The following SEC14L2 variants were observed in gnomAD, a reference collection of about 807,000 sequenced individuals.
SEC14L2 encodes SEC14-like protein 2.
SEC14L2 carries 50 observed loss-of-function variants against 56.9 expected under a neutral mutation model. The observed-to-expected ratio is 0.88, with a 90% CI of 0.70 to 1.11. The LOEUF (loss-of-function observed/expected upper bound fraction) is 1.11, where lower values mean the gene tolerates loss of function less well. Ranked by LOEUF, SEC14L2 falls within the 50% of genes most tolerant of loss-of-function variation. The pLI is 0.00. For synonymous variants in SEC14L2, 179 were observed against 188.5 expected (o/e 0.95, Z 0.41); for missense variants, 414 against 500.7 (o/e 0.83, Z 1.65).
At chr22:30,397,302 C>A in intron 1 of SEC14L2, 132 bp downstream of exon 1, 2 of 821,252 alleles carry the variant, frequency 2.4e-6, no homozygotes, top group Non-Finnish European at 3.6e-6. Flanking sequence ...AGGCGGCTGT[C>A]CCAGCCTGGC....
At position 30,399,625 on chromosome 22, in the gene SEC14L2, C is replaced by T. The variant is rs368245798; in HGVS notation, c.55-18C>T. On this transcript the variant is annotated intron_variant, in intron 1 of 11. Transcript: ENST00000615189. Reference sequence around the variant, plus strand: ...TCAGGGCGGGCCCTACCACTCACCCCGATGCCTCTCCCTACAGTTTCGGGA... The same window carrying T: ...TCAGGGCGGGCCCTACCACTCACCCTGATGCCTCTCCCTACAGTTTCGGGA... 15 of 1,607,492 alleles carry T rather than the reference C, an allele frequency of 9.3e-6. No homozygotes were observed. The East Asian group carries it at 1.8e-4, about 19-fold the overall frequency.
intron 11 of SEC14L2, among the ~76,000 whole-genome samples, chr22:30,418,016 C>G (rs1934430391): frequency 2.0e-5 from 3 of 152,134 alleles, no homozygotes. Flanking sequence ...AGGCTTAGCA[C>G]CAGCCCAGAC....
At chr22:30,416,788 G>A (rs1891322565) in intron 11 of SEC14L2, 1 of 1,203,126 alleles carries the variant, frequency 8.3e-7, no homozygotes, top group Non-Finnish European at 1.0e-6. Context: ...GGATCACAAG[G>A]TAAGCAGATG....
chr22:30,416,696 A>G (rs1934400621), intron 11 of SEC14L2: 1 of 1,405,734 alleles, frequency 7.1e-7, no homozygotes, highest in Non-Finnish European at 9.2e-7. Context: ...TCCAGGTCTA[A>G]CTGGGTCTGT....
At chr22:30,419,863 G>C (rs1934470553) in intron 11 of SEC14L2, among the ~76,000 whole-genome samples, 1 of 152,056 alleles carries the variant, frequency 6.6e-6, no homozygotes, top group African/African-American at 2.4e-5. Context: ...GGGTAAGGTT[G>C]TACCTTTCCC....
In SEC14L2 at chr22:30,419,779, C is replaced by T. The variant is rs374705155; in HGVS notation, c.1082-2498C>T. Reference sequence around the variant, plus strand: ...CATGTAATTTAAAAATCAATATAATCTCCTATGGTAATAGAAAAGAGATAT... The same window carrying T: ...CATGTAATTTAAAAATCAATATAATTTCCTATGGTAATAGAAAAGAGATAT... On this transcript the variant is annotated intron_variant, in intron 11 of 11. Transcript: ENST00000615189. Among the ~76,000 whole-genome samples the T allele has an allele frequency of 7.2e-5, 11 of 152,146 alleles. 1 individual carries two copies. In the South Asian group the frequency reaches 2.1e-3, roughly 29 times the overall value.
At chr22:30,412,341 A>C (rs1236352011) in intron 8 of SEC14L2, among the ~76,000 whole-genome samples, 3 of 152,002 alleles carry the variant, frequency 2.0e-5, no homozygotes, top group African/African-American at 7.3e-5. Context: ...CTGCCTTCCC[A>C]GAGAGGCCAA....
chr22:30,403,526 G>C (rs984202749), intron 2 of SEC14L2, among the ~76,000 whole-genome samples: 4 of 152,242 alleles, frequency 2.6e-5, no homozygotes, highest in Non-Finnish European at 5.9e-5. Context: ...GGCAGCAGGA[G>C]CCTGGAGAGG....
chr22:30,397,138 C>G lies in SEC14L2; in HGVS notation c.22C>G (p.Leu8Val), dbSNP rs1313341272. 4 of 1,547,722 alleles carry G rather than the reference C, an allele frequency of 2.6e-6. No individual in the cohort carries two copies. In the Admixed American group the frequency reaches 5.9e-5, roughly 23 times the overall value. The part of the protein sequence containing the change: MSGRVGD[L>V]SPRQKEALAK... ...CACGATGAGCGGCAGAGTCGGCGAT[C>G]TGAGCCCCAGGCAGAAGGAGGCATT... The change falls in exon 1 of 12, where the codon CTG becomes GTG. Residue 8 changes from leucine to valine, a missense_variant. Leu to Val is a conservative substitution (Grantham distance 32, BLOSUM62 1). Transcript: ENST00000615189.
chr22:30,399,532 AAAAAAG>A, intron 1 of SEC14L2, 105 bp from the exon 2 acceptor site: 1 of 572,352 alleles, frequency 1.7e-6, no homozygotes, highest in South Asian at 2.8e-5. Flanking sequence ...AAAAAAAAAA[AAAAAAG>A]AAACAAAGAA....
At chr22:30,410,567 AG>A (rs768950540) in intron 7 of SEC14L2, 28 bp from the exon 8 acceptor site, 13 of 1,605,902 alleles carry the variant, frequency 8.1e-6, no homozygotes, top group Non-Finnish European at 1.0e-5. Context: ...CACTGCTCCC[AG>A]CCTCACATTA....
chr22:30,408,601 G>A (rs925139902), intron 5 of SEC14L2, among the ~76,000 whole-genome samples: 1 of 152,156 alleles, frequency 6.6e-6, no homozygotes, highest in Non-Finnish European at 1.5e-5. Flanking sequence ...AATAAGGATA[G>A]CTGATTCCCT....
chr22:30,422,423 C>T lies in SEC14L2; in HGVS notation c.*16C>T. ...CCCGAAATAACACCTTCTCCTATAG[C>T]AGGCCTGGCCCCCTCAGTGTCTCCC... is the stretch of plus-strand genomic sequence containing the variant. On this transcript the variant is annotated 3_prime_UTR_variant, in exon 12 of 12. Coordinates refer to ENST00000615189, the MANE Select transcript of SEC14L2 (RefSeq NM_012429.5). The T allele has an allele frequency of 6.2e-7, 1 of 1,613,914 alleles. No homozygotes were observed. The highest frequency in any genetic ancestry group is 1.1e-5 in the South Asian group (1 of 91,070).
intron 3 of SEC14L2, among the ~76,000 whole-genome samples, chr22:30,406,742 T>A (rs1239357750): frequency 6.6e-6 from 1 of 152,096 alleles, no homozygotes; most frequent in Non-Finnish European, 1.5e-5. Context: ...CTGCTTTTTG[T>A]TTTCTTTTTT....
Position 30,422,490 on chromosome 22 carries a change from C to G in SEC14L2, c.*83C>G. 2 of 1,552,062 alleles carry G rather than the reference C, an allele frequency of 1.3e-6. No individual in the cohort carries two copies. Among genetic ancestry groups the G allele is most frequent in the Non-Finnish European group, 1.7e-6 (2 of 1,144,766 alleles). On this transcript the variant is annotated 3_prime_UTR_variant, in exon 12 of 12. Coordinates refer to ENST00000615189, the MANE Select transcript of SEC14L2 (RefSeq NM_012429.5). ...TTGTAGCAGTCATTTTCGCACAACC[C>G]TGAAGCCCAAAGAAACTGGGCTGGA...
intron 11 of SEC14L2, 31 bp from the exon 12 acceptor site, chr22:30,422,246 G>C: frequency 6.2e-7 from 1 of 1,613,202 alleles, no homozygotes; most frequent in Non-Finnish European, 8.5e-7. Context: ...AGAACTGCCT[G>C]AATGTCTGTC....
chr22:30,418,901 C>A (rs1934448934), intron 11 of SEC14L2, among the ~76,000 whole-genome samples: 1 of 152,242 alleles, frequency 6.6e-6, no homozygotes, highest in Non-Finnish European at 1.5e-5. Context: ...GCACATTAAC[C>A]TTCCCCAGGC....
chr22:30,411,633 C>A (rs1269710206), intron 8 of SEC14L2, among the ~76,000 whole-genome samples: 1 of 147,482 alleles, frequency 6.8e-6, no homozygotes, highest in Non-Finnish European at 1.5e-5. Context: ...GTAATCCCAG[C>A]TACTTGGGAG....
At chr22:30,408,883 C>A (rs752503696) in intron 5 of SEC14L2, 3 of 447,648 alleles carry the variant, frequency 6.7e-6, no homozygotes, top group African/African-American at 6.0e-5. Flanking sequence ...GTGCACAGAG[C>A]ACACAGTGAC....
Sources: allele counts gnomAD v4.1 joint callset (sites outside exome capture counted in the v4.1 genomes callset), GRCh38; gene constraint gnomAD v4.1.1; transcripts MANE v1.5; gene names NCBI Gene and HGNC (gene_info 2026-07-23, HGNC 2026-07-21).